IL6R: variants seen among roughly 807,000 people sequenced by gnomAD.
IL6R encodes interleukin 6 receptor, also known as interleukin-6 receptor subunit alpha.
A neutral mutation model predicts 48.3 loss-of-function variants in IL6R; 38 were observed. The ratio of observed to expected loss-of-function variants is 0.79; its 90% CI spans 0.61 to 1.03. The LOEUF is 1.03. Ranked by LOEUF, IL6R falls within the 50% of genes least tolerant of loss-of-function variation. The probability of loss-of-function intolerance (pLI) is 0.00; values close to 1 mark genes in which losing one functional copy is unlikely to be tolerated. For synonymous variants in IL6R, 264 were observed against 256.2 expected (o/e 1.03, Z -0.29); for missense variants, 534 against 618.3 (o/e 0.86, Z 1.45).
rs1691551864 is a variant in IL6R, at chr1:154,466,338, T to C, written c.*958T>C. On this transcript the variant is annotated 3_prime_UTR_variant, in exon 10 of 10. Coordinates refer to ENST00000368485, the MANE Select transcript of IL6R (RefSeq NM_000565.4). ...AGCTTTGTTTGTTGTCAGCTGAACC[T>C]GGGTAACTAGGGAAGATAATATTAA... is the stretch of plus-strand genomic sequence containing the variant. The C allele has an allele frequency of 6.6e-6, 1 of 152,198 alleles. No individual in the cohort carries two copies. The highest frequency in any genetic ancestry group is 2.4e-5 in the African/African-American group (1 of 41,444). The allele number at this position is 152,198 out of a possible 1,614,324, so 9.4% of individuals were successfully genotyped here.
chr1:154,442,769 A>C (rs1009527094), intron 6 of IL6R, among the ~76,000 whole-genome samples: 1 of 148,116 alleles, frequency 6.8e-6, no homozygotes, highest in African/African-American at 2.5e-5. Flanking sequence ...GTCTGGGGGA[A>C]TCACAAAATC....
At chr1:154,452,484 G>T (rs1690639533) in intron 8 of IL6R, among the ~76,000 whole-genome samples, 1 of 152,132 alleles carries the variant, frequency 6.6e-6, no homozygotes, top group Non-Finnish European at 1.5e-5. Context: ...TATTACTCAA[G>T]TCTCTGCTCA....
rs574999162 is a variant in IL6R at position 154,409,969 on chromosome 1, T to G, written c.85+4255T>G. Among the ~76,000 whole-genome samples the G allele has an allele frequency of 7.8e-4, 119 of 152,170 alleles. 2 individuals are homozygous for G. The South Asian group carries it at 0.024, about 30-fold the overall frequency. Reference sequence around the variant, plus strand: ...TGAAGACCTGAAGAAAATATACAAATCTCTAGAGATTCCCTATATGTCCAT... The same window carrying G: ...TGAAGACCTGAAGAAAATATACAAAGCTCTAGAGATTCCCTATATGTCCAT... On this transcript the variant is annotated intron_variant, in intron 1 of 9. Coordinates refer to ENST00000368485, the MANE Select transcript of IL6R (RefSeq NM_000565.4).
At chr1:154,435,540 A>G (rs1390938624) in intron 5 of IL6R, among the ~76,000 whole-genome samples, 2 of 152,030 alleles carry the variant, frequency 1.3e-5, no homozygotes, top group African/African-American at 4.8e-5. Context: ...GGGTACTAAA[A>G]GGAAAACCAT....
At chr1:154,448,273 T>C in intron 7 of IL6R, 102 bp downstream of exon 7, 1 of 871,582 alleles carries the variant, frequency 1.1e-6, no homozygotes, top group Non-Finnish European at 1.9e-6. Context: ...GTTCTGTCAC[T>C]AGTAGAAATG....
rs575229667 is a variant in IL6R at position 154,422,543 on chromosome 1, T to G, written c.86-6653T>G. Among the ~76,000 whole-genome samples the G allele has an allele frequency of 2.7e-5, 4 of 149,062 alleles. No homozygotes were observed. The South Asian group carries it at 8.5e-4, about 32-fold the overall frequency. The stretch of plus-strand genomic sequence containing the variant: ...GATGCTCAGTAGCTTCAATATGGAG[T>G]TTTTTTTTTCCTGGATTAGGAACTT... On this transcript the variant is annotated intron_variant, in intron 1 of 9. Coordinates refer to ENST00000368485, the MANE Select transcript of IL6R (RefSeq NM_000565.4).
At chr1:154,460,751 A>C (rs543711510) in intron 9 of IL6R, among the ~76,000 whole-genome samples, 8 of 152,322 alleles carry the variant, frequency 5.3e-5, no homozygotes, top group Non-Finnish European at 8.8e-5. Context: ...GCAGAGAAAG[A>C]GGTTTAATCA....
At chr1:154,443,378 T>C (rs917716365) in intron 6 of IL6R, among the ~76,000 whole-genome samples, 1 of 152,204 alleles carries the variant, frequency 6.6e-6, no homozygotes, top group Non-Finnish European at 1.5e-5. Flanking sequence ...AGAGCCTTGG[T>C]TACACATTTC....
intron 6 of IL6R, among the ~76,000 whole-genome samples, chr1:154,444,105 C>T (rs1690078739): frequency 6.6e-6 from 1 of 152,204 alleles, no homozygotes; most frequent in Non-Finnish European, 1.5e-5. Flanking sequence ...CATTGCCTAT[C>T]CGCCTGACAT....
chr1:154,464,048 A>G (rs886213628), intron 9 of IL6R, among the ~76,000 whole-genome samples: 1 of 152,118 alleles, frequency 6.6e-6, no homozygotes, highest in Non-Finnish European at 1.5e-5. Context: ...TCCTGCTATT[A>G]CATGGCGGTT....
At chr1:154,453,153 G>A (rs550110074) in intron 8 of IL6R, among the ~76,000 whole-genome samples, 11 of 152,192 alleles carry the variant, frequency 7.2e-5, no homozygotes, top group Admixed American at 3.9e-4. Context: ...TGCAGTGAGC[G>A]GAGATCACAC....
chr1:154,440,865 C>T (rs973923623), intron 6 of IL6R, among the ~76,000 whole-genome samples: 3 of 152,166 alleles, frequency 2.0e-5, no homozygotes, highest in African/African-American at 7.2e-5. Context: ...GTTGGCGAGG[C>T]TGCTCTTGAA....
Position 154,440,765 on chromosome 1 carries a change from C to T in IL6R, c.949+4655C>T, listed in dbSNP as rs143006503. 2.5e-3 allele frequency among the ~76,000 whole-genome samples: 377 copies of T among 151,240 alleles called. 1 individual carries two copies. The highest frequency in any genetic ancestry group is 8.9e-3 in the African/African-American group (366 of 41,152). On this transcript the variant is annotated intron_variant, in intron 6 of 9. Coordinates refer to ENST00000368485, the MANE Select transcript of IL6R (RefSeq NM_000565.4). Reference sequence around the variant, plus strand: ...CACCTCCTGGGGTTCAAGTGATTCTCGTGCCTCAGCCTCCCGAGTAGTTGA... The same window carrying T: ...CACCTCCTGGGGTTCAAGTGATTCTTGTGCCTCAGCCTCCCGAGTAGTTGA...
At chr1:154,445,018 A>G (rs1690139182) in intron 6 of IL6R, 1 of 453,950 alleles carries the variant, frequency 2.2e-6, no homozygotes, top group African/African-American at 2.0e-5. Context: ...ATTTGTACAC[A>G]CAGCCTTTTC....
intron 1 of IL6R, among the ~76,000 whole-genome samples, chr1:154,423,893 A>C (rs889058500): frequency 6.6e-6 from 1 of 152,230 alleles, no homozygotes; most frequent in Non-Finnish European, 1.5e-5. Context: ...AGCTGCTCAG[A>C]TACTTTGGCC....
intron 1 of IL6R, among the ~76,000 whole-genome samples, chr1:154,412,376 C>T (rs1688076883): frequency 6.6e-6 from 1 of 152,132 alleles, no homozygotes; most frequent in Non-Finnish European, 1.5e-5. Flanking sequence ...GCCTCAGCCT[C>T]CTGGCCTCAG....
rs750995068 is a variant in IL6R, at chr1:154,465,203, G to T, written c.1230G>T (p.Leu410Phe). The T allele has an allele frequency of 1.9e-6, 3 of 1,614,146 alleles. No homozygotes were observed. The highest frequency in any genetic ancestry group is 1.1e-5 in the South Asian group (1 of 91,076). ...CAAGCATGCATCCGCCGTACTCTTT[G>T]GGGCAGCTGGTCCCGGAGAGGCCTC... ...GKTSMHPPYS[L>F]GQLVPERPRP... The change falls in exon 10 of 10, where the codon TTG (leucine) becomes TTT (phenylalanine). Residue 410 changes from leucine to phenylalanine, a missense_variant. Physicochemically the swap from Leu to Phe is conservative, Grantham distance 22. Coordinates refer to ENST00000368485, the MANE Select transcript of IL6R (RefSeq NM_000565.4).
At chr1:154,418,056 G>A (rs1406622114) in intron 1 of IL6R, among the ~76,000 whole-genome samples, 1 of 152,136 alleles carries the variant, frequency 6.6e-6, no homozygotes. Flanking sequence ...TTTTGGTATG[G>A]ATGGGGTTTC....
intron 1 of IL6R, among the ~76,000 whole-genome samples, chr1:154,424,057 T>C (rs972809464): frequency 2.0e-5 from 3 of 152,200 alleles, no homozygotes; most frequent in Admixed American, 1.3e-4. Flanking sequence ...GAGAGCTTCC[T>C]CTGGCTCCAG....
Sources: allele counts gnomAD v4.1 joint callset (sites outside exome capture counted in the v4.1 genomes callset), GRCh38; gene constraint gnomAD v4.1.1; transcripts MANE v1.5; gene names NCBI Gene and HGNC (gene_info 2026-07-23, HGNC 2026-07-21).